The following DLGAP1 variants were observed in gnomAD, a reference collection of about 807,000 sequenced individuals.
DLGAP1 encodes the protein DLG associated protein 1.
In DLGAP1, 11 loss-of-function variants were observed where a neutral mutation model predicts 90.8. The ratio of observed to expected loss-of-function variants is 0.12; its 90% CI spans 0.08 to 0.20. The LOEUF (loss-of-function observed/expected upper bound fraction) is 0.20. DLGAP1 is among the 10% of genes least tolerant of loss of function. DLGAP1 has a pLI of 1.00. For synonymous variants in DLGAP1, 558 were observed against 540.7 expected (o/e 1.03, Z -0.44); for missense variants, 1,050 against 1,333.8 (o/e 0.79, Z 3.31).
rs893269941 is a variant in DLGAP1 at position 3,526,256 on chromosome 18, G to A, written c.2479+7938C>T. 3.3e-5 allele frequency among the ~76,000 whole-genome samples: 5 copies of A among 152,174 alleles called. No individual in the cohort carries two copies. Among genetic ancestry groups the A allele is most frequent in the African/African-American group, 1.2e-4 (5 of 41,442 alleles). ...CACACGGGCTGGAGGCAGATGAATT[G>A]CAGAACTCACAGATACAGCTTTGTC... On this transcript the variant is annotated intron_variant, in intron 10 of 12. Transcript: ENST00000315677. The surrounding 1 kb of genome is among the most constrained non-coding windows in gnomAD (Gnocchi z 4.7).
intron 7 of DLGAP1, among the ~76,000 whole-genome samples, chr18:3,600,659 T>G (rs1433106540): frequency 6.8e-6 from 1 of 146,606 alleles, no homozygotes; most frequent in South Asian, 2.1e-4. Flanking sequence ...GATATAGATA[T>G]CTATAGAGAT....
chr18:4,273,195 C>T (rs1326430165), intron 1 of DLGAP1, among the ~76,000 whole-genome samples: 2 of 152,132 alleles, frequency 1.3e-5, no homozygotes, highest in Admixed American at 6.5e-5. Context: ...TCCATTATAG[C>T]AAATTTGAGT....
chr18:4,212,388 G>C (rs2077860925), intron 1 of DLGAP1, among the ~76,000 whole-genome samples: 1 of 152,014 alleles, frequency 6.6e-6, no homozygotes, highest in Non-Finnish European at 1.5e-5. Context: ...ATTTTTAAAA[G>C]GGCGCACTGG....
chr18:4,191,866 T>C (rs923653628), intron 1 of DLGAP1, among the ~76,000 whole-genome samples: 2 of 152,186 alleles, frequency 1.3e-5, no homozygotes, highest in Non-Finnish European at 2.9e-5. Flanking sequence ...TCATTTCTTC[T>C]AATGGAATGA....
At chr18:4,268,236 G>GAT (rs2079173997) in intron 1 of DLGAP1, among the ~76,000 whole-genome samples, 1 of 152,286 alleles carries the variant, frequency 6.6e-6, no homozygotes, top group African/African-American at 2.4e-5. Flanking sequence ...CCTTGATGTT[G>GAT]ATGGCTTATA....
intron 7 of DLGAP1, among the ~76,000 whole-genome samples, chr18:3,669,807 G>T (rs1029401187): frequency 5.3e-5 from 8 of 152,200 alleles, no homozygotes; most frequent in African/African-American, 1.9e-4. Flanking sequence ...GATACAGAAA[G>T]TCCTCTGTCC....
At chr18:3,506,916 T>C in intron 11 of DLGAP1, among the ~76,000 whole-genome samples, 1 of 152,062 alleles carries the variant, frequency 6.6e-6, no homozygotes, top group East Asian at 1.9e-4. Context: ...TATTAATACA[T>C]TTACTAATAT....
intron 3 of DLGAP1, among the ~76,000 whole-genome samples, chr18:3,881,778 T>C (rs552179343): frequency 7.9e-5 from 12 of 152,212 alleles, no homozygotes; most frequent in Middle Eastern, 3.4e-3. Context: ...CCAGGCATGG[T>C]GGCAGGCGCC....
chr18:3,833,179 T>G (rs1598926828), intron 4 of DLGAP1, among the ~76,000 whole-genome samples: 1 of 29,290 alleles, frequency 3.4e-5, no homozygotes, highest in African/African-American at 1.1e-4. Flanking sequence ...CCTTCCTTCC[T>G]TCCTTCCTTC....
At chr18:4,005,619 C>CCCG (rs1256149601) in intron 2 of DLGAP1, among the ~76,000 whole-genome samples, 3 of 152,164 alleles carry the variant, frequency 2.0e-5, no homozygotes, top group African/African-American at 4.8e-5. Context: ...CACAATTTAG[C>CCCG]AGGTCCCTTT....
intron 5 of DLGAP1, among the ~76,000 whole-genome samples, chr18:3,778,850 G>C (rs1377164592): frequency 6.6e-6 from 1 of 152,140 alleles, no homozygotes; most frequent in East Asian, 1.9e-4. Context: ...TCCTGCCCTG[G>C]AGACATAGCG....
At chr18:4,351,265 T>C (rs757475657) in intron 1 of DLGAP1, among the ~76,000 whole-genome samples, 1 of 152,202 alleles carries the variant, frequency 6.6e-6, no homozygotes, top group Non-Finnish European at 1.5e-5. Flanking sequence ...CAACTCACAC[T>C]GTGGAAAATG....
At chr18:4,095,210 G>A (rs1348658085) in intron 2 of DLGAP1, among the ~76,000 whole-genome samples, 1 of 152,128 alleles carries the variant, frequency 6.6e-6, no homozygotes, top group Non-Finnish European at 1.5e-5. Context: ...GCAAGAGTGG[G>A]ACTTTTGAAA....
intron 7 of DLGAP1, among the ~76,000 whole-genome samples, chr18:3,645,184 G>A (rs1487883178): frequency 2.0e-5 from 3 of 151,964 alleles, no homozygotes; most frequent in African/African-American, 7.2e-5. Flanking sequence ...CTGCAGCCTC[G>A]ACTTCCCAGG....
intron 7 of DLGAP1, among the ~76,000 whole-genome samples, chr18:3,649,253 A>G (rs1639368): frequency 0.23 from 35,219 of 152,102 alleles, 4,617 homozygotes; most frequent in African/African-American, 0.35. Context: ...AGGACTCAAA[A>G]AACAGACTGG....
chr18:3,977,434 G>GGGTTTTTTTTTTTTTT (rs767760816), intron 3 of DLGAP1, among the ~76,000 whole-genome samples: 3 of 95,332 alleles, frequency 3.1e-5, no homozygotes, highest in African/African-American at 1.3e-4. Flanking sequence ...TTTATTCTGT[G>GGGTTTTTTTTTTTTTT]TTTTTTTTTT....
chr18:4,183,492 T>TA (rs1425104142), intron 1 of DLGAP1, among the ~76,000 whole-genome samples: 1 of 152,198 alleles, frequency 6.6e-6, no homozygotes, highest in Non-Finnish European at 1.5e-5. Flanking sequence ...TATTTGAAGG[T>TA]ACAAGCCACT....
At chr18:3,888,883 T>C (rs1378007196) in intron 3 of DLGAP1, among the ~76,000 whole-genome samples, 2 of 152,220 alleles carry the variant, frequency 1.3e-5, no homozygotes, top group Non-Finnish European at 2.9e-5. Flanking sequence ...CTCGGAGATA[T>C]GCTTCCTATG....
chr18:3,717,558 C>G (rs766091009), intron 7 of DLGAP1, among the ~76,000 whole-genome samples: 4 of 152,112 alleles, frequency 2.6e-5, no homozygotes, highest in Admixed American at 2.0e-4. Context: ...AACTTTGTTC[C>G]TCAAAGTGGT....
Sources: gnomAD v4.1 joint callset for allele counts (sites outside exome capture counted in the v4.1 genomes callset) on GRCh38, gnomAD v4.1.1 for gene constraint, Gnocchi (gnomAD v3.1) non-coding constraint, MANE v1.5 for transcripts, NCBI Gene and HGNC (gene_info 2026-07-23, HGNC 2026-07-21) for gene names.